Variants in DNAI4 observed in about 807,000 individuals in gnomAD.
The protein encoded by DNAI4 is WD repeat domain 78.
Under a neutral mutation model 105.8 loss-of-function variants are expected in DNAI4, and 85 were observed. The ratio of observed to expected loss-of-function variants is 0.80; its 90% CI spans 0.67 to 0.96. DNAI4 has a LOEUF of 0.96. DNAI4 is among the 40% of genes least tolerant of loss of function. The pLI is 0.00. For synonymous variants in DNAI4, 352 were observed against 331.5 expected (o/e 1.06, Z -0.67); for missense variants, 1,014 against 1,005.6 (o/e 1.01, Z -0.11).
chr1:66,890,863 AGAG>A lies in DNAI4; in HGVS notation c.643+288_643+290del. ...AAAAGGAAGAGGAAGAAGAAGAGGA[AGAG>A]GAAGAAGAAGAAGAAGAAGCAGAAG... On this transcript the variant is annotated intron_variant, in intron 4 of 16. Transcript: ENST00000371026. This position sits in a 1 kb window ranked among gnomAD's most constrained non-coding sequence, Gnocchi z 4.1. 2.3e-6 allele frequency: 1 copy of A among 426,132 alleles called. No homozygotes were observed. Among genetic ancestry groups the A allele is most frequent in the South Asian group, 2.3e-5 (1 of 43,862 alleles). 26.4% of individuals were successfully genotyped at this position (426,132 alleles called of 1,614,324 possible).
chr1:66,864,623 G>A (rs553142522), intron 6 of DNAI4, among the ~76,000 whole-genome samples: 17 of 151,690 alleles, frequency 1.1e-4, no homozygotes, highest in Admixed American at 3.3e-4. Flanking sequence ...AGGCTGAGGC[G>A]GGCAGATCAC....
In DNAI4 at chr1:66,835,835, T is replaced by G. The variant is rs3820344; in HGVS notation, c.1582-58A>C. On this transcript the variant is annotated intron_variant, in intron 10 of 16. Coordinates refer to ENST00000371026, the MANE Select transcript of DNAI4 (RefSeq NM_024763.5). ...TTTTGTAGACCACAGTAAGGCAGAA[T>G]ATAATGGTGGCTGAGATTTAGTTTG... is the stretch of plus-strand genomic sequence containing the variant. 9.0e-3 allele frequency: 13,634 copies of G among 1,508,486 alleles called. 800 individuals carry two copies. The East Asian group carries it at 0.14, about 15-fold the overall frequency. The allele number at this position is 1,508,486 out of a possible 1,614,324, so 93.4% of individuals were successfully genotyped here. A position where few individuals can be genotyped will look rare whatever the true frequency, so the allele number is the denominator to read the frequency against.
At chr1:66,834,226 T>A in intron 11 of DNAI4, 78 bp from the exon 12 acceptor site, 1 of 1,157,646 alleles carries the variant, frequency 8.6e-7, no homozygotes, top group Non-Finnish European at 1.2e-6. Context: ...AGTGATAAGG[T>A]CAGCTTTCTA....
intron 12 of DNAI4, 51 bp downstream of exon 12, chr1:66,833,940 A>C (rs1645923993): frequency 6.5e-7 from 1 of 1,537,130 alleles, no homozygotes; most frequent in East Asian, 2.3e-5. Flanking sequence ...TTAACTAGAA[A>C]ATTTTAATTC....
rs957673963 is a variant in DNAI4, at chr1:66,917,933, A to G, written c.170+6729T>C. On this transcript the variant is annotated intron_variant, in intron 1 of 16. Transcript: ENST00000371026. ...GAAAAACTGGCCTCATATTTTGTGT[A>G]CATAGTCCCTGTACAGGGTTTCTGA... Among the ~76,000 whole-genome samples, 23 of 152,224 alleles carry G rather than the reference A, an allele frequency of 1.5e-4. 1 individual carries two copies. The highest frequency in any genetic ancestry group is 4.4e-5 in the Non-Finnish European group (3 of 68,036).
intron 1 of DNAI4, among the ~76,000 whole-genome samples, chr1:66,918,272 C>T (rs1405535864): frequency 2.0e-5 from 3 of 152,162 alleles, no homozygotes; most frequent in Non-Finnish European, 4.4e-5. Context: ...AATTATGTTT[C>T]AAAACTATAG....
intron 3 of DNAI4, among the ~76,000 whole-genome samples, 174 bp downstream of exon 3, chr1:66,893,055 G>GAAAGAAA (rs1226481232): frequency 1.2e-5 from 1 of 80,740 alleles, no homozygotes; most frequent in African/African-American, 5.4e-5. Flanking sequence ...AAGAAAGAAA[G>GAAAGAAA]AGAGAGAGAG....
intron 15 of DNAI4, among the ~76,000 whole-genome samples, chr1:66,824,280 G>A (rs1645700910): frequency 1.4e-5 from 2 of 144,186 alleles, no homozygotes; most frequent in African/African-American, 5.1e-5. Flanking sequence ...TCTCTGTTTT[G>A]GTAGCAGTAC....
chr1:66,906,868 A>C (rs1007952503), intron 1 of DNAI4: 5 of 152,104 alleles, frequency 3.3e-5, no homozygotes, highest in African/African-American at 7.2e-5. Flanking sequence ...AAACTCACTT[A>C]TCTCTTTTTT....
chr1:66,840,387 G>T, intron 9 of DNAI4, 82 bp downstream of exon 9: 2 of 1,349,234 alleles, frequency 1.5e-6, no homozygotes, highest in Admixed American at 1.8e-5. Flanking sequence ...CCATATCTAA[G>T]GAAAACAATT....
rs1647510167 is a variant in DNAI4, at chr1:66,890,574, G to C, written c.643+580C>G. On this transcript the variant is annotated intron_variant, in intron 4 of 16. Transcript: ENST00000371026. This position sits in a 1 kb window ranked among gnomAD's most constrained non-coding sequence, Gnocchi z 4.1. ...AGATTGTGCCACTGCACGCCAGCCTGTGTGACAGAGCAAGACTCTGTCTCA... is the reference window on the plus strand; with the variant it reads ...AGATTGTGCCACTGCACGCCAGCCTCTGTGACAGAGCAAGACTCTGTCTCA... 1 of 165,830 alleles carries C rather than the reference G, an allele frequency of 6.0e-6. No homozygotes were observed. Among genetic ancestry groups the C allele is most frequent in the African/African-American group, 2.4e-5 (1 of 41,402 alleles). 10.3% of individuals were successfully genotyped at this position (165,830 alleles called of 1,614,324 possible). A position where few individuals can be genotyped will look rare whatever the true frequency, so the allele number is the denominator to read the frequency against.
At chr1:66,874,091 T>G (rs1329688618) in intron 5 of DNAI4, among the ~76,000 whole-genome samples, 1 of 151,922 alleles carries the variant, frequency 6.6e-6, no homozygotes, top group Non-Finnish European at 1.5e-5. Context: ...CTATTAATAA[T>G]CTACTTATAG....
intron 15 of DNAI4, among the ~76,000 whole-genome samples, chr1:66,824,490 T>A (rs1474055900): frequency 6.6e-6 from 1 of 152,098 alleles, no homozygotes; most frequent in Non-Finnish European, 1.5e-5. Context: ...ATCTGTAAAT[T>A]ACCTTGGGCA....
chr1:66,898,724 A>G (rs958534759), intron 2 of DNAI4, among the ~76,000 whole-genome samples: 16 of 152,202 alleles, frequency 1.1e-4, no homozygotes, highest in African/African-American at 3.9e-4. Flanking sequence ...TAAATTACCC[A>G]GTCTTGAGCA....
intron 5 of DNAI4, 150 bp downstream of exon 5, chr1:66,874,629 GTA>G: frequency 1.8e-6 from 1 of 549,956 alleles, no homozygotes; most frequent in Non-Finnish European, 2.9e-6. Flanking sequence ...ATATAACTTT[GTA>G]TATAATTTTG....
At chr1:66,817,204 G>T (rs947707702) in intron 16 of DNAI4, among the ~76,000 whole-genome samples, 2 of 152,038 alleles carry the variant, frequency 1.3e-5, no homozygotes, top group Non-Finnish European at 2.9e-5. Flanking sequence ...TACAAACAAG[G>T]CTACTATAAA....
chr1:66,893,051 GAA>G (rs1163491223), intron 3 of DNAI4, among the ~76,000 whole-genome samples, 176 bp downstream of exon 3: 47 of 114,500 alleles, frequency 4.1e-4, no homozygotes, highest in South Asian at 8.1e-4. Flanking sequence ...AAGAAAGAAA[GAA>G]AGAGAGAGAG....
At chr1:66,837,429 T>A (rs951622121) in intron 10 of DNAI4, among the ~76,000 whole-genome samples, 2 of 151,792 alleles carry the variant, frequency 1.3e-5, no homozygotes, top group Non-Finnish European at 2.9e-5. Context: ...TTTTTCTTTA[T>A]AATTAGCTGT....
intron 4 of DNAI4, among the ~76,000 whole-genome samples, chr1:66,888,834 G>A (rs1293640254): frequency 6.6e-6 from 1 of 152,172 alleles, no homozygotes. Context: ...AGCAAAGAAA[G>A]GCTTCAAGGC....
Sources: gnomAD v4.1 joint callset for allele counts (sites outside exome capture counted in the v4.1 genomes callset) on GRCh38, gnomAD v4.1.1 for gene constraint, Gnocchi (gnomAD v3.1) non-coding constraint, MANE v1.5 for transcripts, NCBI Gene and HGNC (gene_info 2026-07-23, HGNC 2026-07-21) for gene names.